TENM2: variants seen among roughly 807,000 people sequenced by gnomAD.
TENM2 encodes the protein teneurin-2.
TENM2 carries 52 observed loss-of-function variants against 245.2 expected under a neutral mutation model. The observed-to-expected ratio is 0.21, with a 90% CI of 0.17 to 0.27. The LOEUF (loss-of-function observed/expected upper bound fraction) is 0.27. Ranked by LOEUF, TENM2 falls within the 10% of genes least tolerant of loss-of-function variation. TENM2 has a pLI of 1.00. For missense variants in TENM2, 3,046 were observed against 3,666.8 expected, an observed-to-expected ratio of 0.83 and a Z score of 4.37; for synonymous variants, 1,363 against 1,438.9, an observed-to-expected ratio of 0.95 and a Z score of 1.19.
intron 2 of TENM2, among the ~76,000 whole-genome samples, chr5:167,569,027 T>A (rs920222844): frequency 9.6e-5 from 14 of 145,912 alleles, no homozygotes; most frequent in African/African-American, 2.8e-4. Context: ...TCAAGCAGAA[T>A]GTAAATGCCA....
intron 1 of TENM2, among the ~76,000 whole-genome samples, chr5:167,305,809 T>A (rs1755642817): frequency 6.6e-6 from 1 of 152,196 alleles, no homozygotes; most frequent in South Asian, 2.1e-4. Context: ...ATTGAGTACG[T>A]CATTGGGTGC....
chr5:167,456,370 A>G (rs1864976), intron 2 of TENM2, among the ~76,000 whole-genome samples: 75,118 of 152,058 alleles, frequency 0.49, 19,117 homozygotes, highest in Middle Eastern at 0.58. Context: ...TGTAGTTGGT[A>G]TCTAATAAGC....
At chr5:167,872,541 AAAGAAAGAGAAAG>A (rs1561881595) in intron 2 of TENM2, among the ~76,000 whole-genome samples, 3 of 52,738 alleles carry the variant, frequency 5.7e-5, no homozygotes, top group African/African-American at 1.7e-4. Flanking sequence ...AGAAAGAAAG[AAAGAAAGAGAAAG>A]AAAGAAAGAA....
intron 2 of TENM2, among the ~76,000 whole-genome samples, chr5:167,853,313 G>A (rs7727245): frequency 0.15 from 9,640 of 64,816 alleles, 341 homozygotes; most frequent in African/African-American, 0.21. Flanking sequence ...AAAAAAAAAA[G>A]AAAGTGATCG....
the TENM2 span, among the ~76,000 whole-genome samples, chr5:167,275,038 A>T: frequency 6.6e-6 from 1 of 152,010 alleles, no homozygotes; most frequent in Non-Finnish European, 1.5e-5. Flanking sequence ...ATATTTATTT[A>T]AACTAAATTA....
chr5:167,991,452 A>G (rs189585182), intron 4 of TENM2, among the ~76,000 whole-genome samples: 242 of 152,308 alleles, frequency 1.6e-3, no homozygotes, highest in African/African-American at 5.4e-3. Context: ...ATCCCACTAC[A>G]CATTTCCTGG....
intron 2 of TENM2, among the ~76,000 whole-genome samples, chr5:167,750,980 G>A (rs1761923623): frequency 6.6e-6 from 1 of 152,200 alleles, no homozygotes; most frequent in South Asian, 2.1e-4. Flanking sequence ...ACTTGCATAT[G>A]ATATCAGGAA....
chr5:167,738,760 C>T (rs1362885038), intron 2 of TENM2, among the ~76,000 whole-genome samples: 5 of 152,120 alleles, frequency 3.3e-5, no homozygotes, highest in Non-Finnish European at 5.9e-5. Flanking sequence ...TCACAGCATG[C>T]TCACATGGTC....
chr5:167,578,007 C>G (rs1052340671), intron 2 of TENM2, among the ~76,000 whole-genome samples: 7 of 152,124 alleles, frequency 4.6e-5, no homozygotes, highest in Admixed American at 4.6e-4. Flanking sequence ...GCAAAATCAG[C>G]GTGGGCACAG....
chr5:168,167,508 G>T (rs764782484), intron 13 of TENM2, among the ~76,000 whole-genome samples: 28 of 152,174 alleles, frequency 1.8e-4, no homozygotes, highest in Non-Finnish European at 3.1e-4. Flanking sequence ...CGGTGACAGT[G>T]GAGACCAAGG....
chr5:167,415,553 C>G (rs1763121669), intron 2 of TENM2, among the ~76,000 whole-genome samples: 1 of 152,066 alleles, frequency 6.6e-6, no homozygotes, highest in African/African-American at 2.4e-5. Context: ...TCATAGAACT[C>G]TGATTTCTCT....
At chr5:168,120,095 G>A (rs1018684831) in intron 10 of TENM2, among the ~76,000 whole-genome samples, 4 of 152,092 alleles carry the variant, frequency 2.6e-5, no homozygotes, top group Non-Finnish European at 2.9e-5. Flanking sequence ...GTGAAACCCC[G>A]CATTTCATCG....
chr5:168,070,132 T>C (rs182998283), intron 7 of TENM2, among the ~76,000 whole-genome samples: 11 of 152,218 alleles, frequency 7.2e-5, no homozygotes, highest in Admixed American at 5.9e-4. Context: ...AAAATGCTCC[T>C]CTTTTGACAT....
chr5:167,321,588 T>C (rs1033673559), intron 1 of TENM2, among the ~76,000 whole-genome samples: 1 of 151,936 alleles, frequency 6.6e-6, no homozygotes, highest in Non-Finnish European at 1.5e-5. Flanking sequence ...AGCCCAGCGG[T>C]TAGGTGGTTT....
At chr5:167,755,455 C>A (rs1203217944) in intron 2 of TENM2, among the ~76,000 whole-genome samples, 8 of 21,126 alleles carry the variant, frequency 3.8e-4, no homozygotes, top group African/African-American at 1.1e-3. Context: ...AGGTATTTCA[C>A]CAGAAAAAAA....
chr5:167,412,720 T>C (rs973315116), intron 2 of TENM2, among the ~76,000 whole-genome samples: 1 of 152,140 alleles, frequency 6.6e-6, no homozygotes. Flanking sequence ...GCATTTCTGC[T>C]AAAGGCTGCT....
the TENM2 span, among the ~76,000 whole-genome samples, chr5:166,996,866 ATTCT>A: frequency 3.3e-5 from 5 of 152,308 alleles, no homozygotes; most frequent in East Asian, 9.6e-4. Flanking sequence ...TTAACTTTCC[ATTCT>A]TTCTTTTCTC....
intron 2 of TENM2, among the ~76,000 whole-genome samples, chr5:167,588,098 C>T (rs944219887): frequency 1.3e-5 from 2 of 152,320 alleles, no homozygotes; most frequent in South Asian, 2.1e-4. Flanking sequence ...TCCCAGGGCT[C>T]ACTGTTCACC....
At chr5:167,068,522 A>T in the TENM2 span, among the ~76,000 whole-genome samples, 1 of 152,332 alleles carries the variant, frequency 6.6e-6, no homozygotes, top group Admixed American at 6.5e-5. Context: ...AACCAAAGTA[A>T]AAATGTTATT....
Sources: allele counts gnomAD v4.1 joint callset (sites outside exome capture counted in the v4.1 genomes callset), GRCh38; gene constraint gnomAD v4.1.1; transcripts MANE v1.5; gene names NCBI Gene and HGNC (gene_info 2026-07-23, HGNC 2026-07-21).